ICMT: variants seen among roughly 807,000 people sequenced by gnomAD.
ICMT encodes isoprenylcysteine carboxyl methyltransferase, also known as protein-S-isoprenylcysteine O-methyltransferase.
In ICMT, 10 loss-of-function variants were observed where a neutral mutation model predicts 32.2. The observed-to-expected ratio is 0.31, with a 90% CI of 0.19 to 0.53. The LOEUF (loss-of-function observed/expected upper bound fraction) is 0.53, where lower values mean the gene tolerates loss of function less well. Among genes scored for constraint, ICMT ranks in the 20% least tolerant of loss-of-function variants. The probability of loss-of-function intolerance (pLI) is 0.96; values close to 1 mark genes in which losing one functional copy is unlikely to be tolerated. For missense variants in ICMT, 265 were observed against 356.9 expected, an observed-to-expected ratio of 0.74 and a Z score of 2.07; for synonymous variants, 183 against 158.2, an observed-to-expected ratio of 1.16 and a Z score of -1.18.
At position 6,222,172 on chromosome 1, in the gene ICMT, G is replaced by A. The variant is rs984651446; in HGVS notation, c.*2908C>T. ...GTGGTGGCTCACGCCTGTAATCCCA[G>A]CACTTTGGGAGGCCGAGGCGCGTGG... is the stretch of plus-strand genomic sequence containing the variant. On this transcript the variant is annotated 3_prime_UTR_variant, in exon 5 of 5. Transcript: ENST00000343813. 2 of 152,322 alleles carry A rather than the reference G, an allele frequency of 1.3e-5. No individual in the cohort carries two copies. Among genetic ancestry groups the A allele is most frequent in the African/African-American group, 4.8e-5 (2 of 41,462 alleles). 9.4% of individuals were successfully genotyped at this position (152,322 alleles called of 1,614,324 possible). A position where few individuals can be genotyped will look rare whatever the true frequency, so the allele number is the denominator to read the frequency against.
intron 2 of ICMT, among the ~76,000 whole-genome samples, 189 bp downstream of exon 2, chr1:6,234,697 A>G (rs1668789995): frequency 6.6e-6 from 1 of 152,186 alleles, no homozygotes. Context: ...TTCACAATCA[A>G]CCCACAGGCA....
chr1:6,223,890 G>T lies in ICMT; in HGVS notation c.*1190C>A, dbSNP rs1668600953. The T allele has an allele frequency of 6.6e-6, 1 of 152,256 alleles. No individual in the cohort carries two copies. Among genetic ancestry groups the T allele is most frequent in the South Asian group, 2.1e-4 (1 of 4,834 alleles). 9.4% of individuals were successfully genotyped at this position (152,256 alleles called of 1,614,324 possible). On this transcript the variant is annotated 3_prime_UTR_variant, in exon 5 of 5. Coordinates refer to ENST00000343813, the MANE Select transcript of ICMT (RefSeq NM_012405.4). ...TGAGGCCAAGTTCCTGTCTAGTCCA[G>T]AATGAAGCCAGCGTCTCACCTCTTA...
intron 3 of ICMT, among the ~76,000 whole-genome samples, chr1:6,232,461 C>T (rs1413435763): frequency 6.6e-6 from 1 of 152,200 alleles, no homozygotes; most frequent in East Asian, 1.9e-4. Flanking sequence ...AAAAAAGGGT[C>T]CAAGGTTTCC....
At chr1:6,234,487 G>A (rs766205293) in intron 2 of ICMT, 10 of 492,452 alleles carry the variant, frequency 2.0e-5, no homozygotes, top group Non-Finnish European at 3.6e-5. Context: ...TCCTACAGTG[G>A]CTGTGGGGAT....
At chr1:6,235,221 C>A (rs1360084282) in intron 1 of ICMT, among the ~76,000 whole-genome samples, 1 of 152,202 alleles carries the variant, frequency 6.6e-6, no homozygotes, top group Non-Finnish European at 1.5e-5. Flanking sequence ...ACAGTACCTA[C>A]CTTTTAGGAC....
At chr1:6,234,733 G>A (rs565651516) in intron 2 of ICMT, among the ~76,000 whole-genome samples, 153 bp downstream of exon 2, 1 of 152,016 alleles carries the variant, frequency 6.6e-6, no homozygotes, top group African/African-American at 2.4e-5. Flanking sequence ...TGAAATGTGA[G>A]CAACTAGGGG....
At chr1:6,235,600 A>G (rs1668810521) in intron 1 of ICMT, 117 bp downstream of exon 1, 1 of 653,490 alleles carries the variant, frequency 1.5e-6, no homozygotes, top group Non-Finnish European at 2.0e-6. Flanking sequence ...GAACTCGCGG[A>G]TGAAGAGCGC....
chr1:6,227,267 A>G (rs1668659002), intron 4 of ICMT, among the ~76,000 whole-genome samples: 1 of 152,256 alleles, frequency 6.6e-6, no homozygotes, highest in African/African-American at 2.4e-5. Flanking sequence ...GGCAAATTAC[A>G]TTATTCAGTC....
At position 6,235,907 on chromosome 1, in the gene ICMT, G is replaced by T. The variant is rs1270063541; in HGVS notation, c.5C>A (p.Ala2Glu). The change falls in exon 1 of 5, where the codon GCG becomes GAG. Residue 2 changes from alanine (A) to glutamate (E), a missense_variant. Physicochemically the swap from Ala to Glu is moderately radical, Grantham distance 107. Transcript: ENST00000343813. M[A>E]GCAARAPPGS... Reference sequence around the variant, plus strand: ...CGGCGGAGCCCGCGCCGCGCAGCCCGCCATGGCGCCGGGCGGCGGACTAGC... The same window carrying T: ...CGGCGGAGCCCGCGCCGCGCAGCCCTCCATGGCGCCGGGCGGCGGACTAGC... 65 of 1,114,480 alleles carry T rather than the reference G, an allele frequency of 5.8e-5. No homozygotes were observed. Among genetic ancestry groups the T allele is most frequent in the Non-Finnish European group, 6.8e-5 (62 of 915,310 alleles). The allele number at this position is 1,114,480 out of a possible 1,614,324, so 69.0% of individuals were successfully genotyped here.
chr1:6,232,889 G>A (rs1668759631), intron 3 of ICMT, among the ~76,000 whole-genome samples: 1 of 140,462 alleles, frequency 7.1e-6, no homozygotes. Flanking sequence ...TGGGAGTCTC[G>A]CTCTGTCACC....
Position 6,235,724 on chromosome 1 carries a change from C to T in ICMT, c.188G>A (p.Arg63His). Reference sequence around the variant, plus strand: ...GCCCCCGCCGGCCTGCACCTGGTAGCGAGGCGGCCGATAGAGCAGCAGCAG... The same window carrying T: ...GCCCCCGCCGGCCTGCACCTGGTAGTGAGGCGGCCGATAGAGCAGCAGCAG... The part of the protein sequence containing the change: ...ALLLLLYRPP[R>H]YQIAIRACFL... Residue 63 changes from arginine to histidine, a missense_variant, in exon 1 of 5, where the codon CGC (arginine) becomes CAC (histidine). Transcript: ENST00000343813. 2 of 1,285,730 alleles carry T rather than the reference C, an allele frequency of 1.6e-6. No individual in the cohort carries two copies. Among genetic ancestry groups the T allele is most frequent in the Non-Finnish European group, 9.9e-7 (1 of 1,007,488 alleles). The allele number at this position is 1,285,730 out of a possible 1,614,324, so 79.6% of individuals were successfully genotyped here.
intron 1 of ICMT, among the ~76,000 whole-genome samples, chr1:6,235,204 G>A (rs959716544): frequency 6.6e-6 from 1 of 152,212 alleles, no homozygotes; most frequent in African/African-American, 2.4e-5. Context: ...TCTACAGCCA[G>A]GGGATAACAG....
intron 4 of ICMT, among the ~76,000 whole-genome samples, chr1:6,229,655 A>C (rs1668699952): frequency 6.6e-6 from 1 of 152,038 alleles, no homozygotes; most frequent in Non-Finnish European, 1.5e-5. Flanking sequence ...TAGGAGACTA[A>C]GGTGGGAGGA....
In ICMT at chr1:6,225,199, C is replaced by T. The variant is rs141302565; in HGVS notation, c.736G>A (p.Asp246Asn). The T allele has an allele frequency of 4.3e-6, 7 of 1,614,076 alleles. No homozygotes were observed. The highest frequency in any genetic ancestry group is 5.1e-6 in the Non-Finnish European group (6 of 1,180,004). Residue 246 changes from aspartate to asparagine, a missense_variant, in exon 5 of 5, where the codon GAT (aspartate) becomes AAT (asparagine). Coordinates refer to ENST00000343813, the MANE Select transcript of ICMT (RefSeq NM_012405.4). ...GAGATTTCTTCTTCTTCTGTTCGAT[C>T]GCGGAAGAATCGCCACACTGTCAGG... ...YALTVWRFFR[D>N]RTEEEEISLI...
At chr1:6,225,552 G>A (rs1571222924) in intron 4 of ICMT, among the ~76,000 whole-genome samples, 1 of 152,150 alleles carries the variant, frequency 6.6e-6, no homozygotes, top group East Asian at 1.9e-4. Context: ...CCCACCTCCA[G>A]GTGTGAGCTC....
In ICMT at chr1:6,232,125, GGA is replaced by G. The variant is rs893591298; in HGVS notation, c.455-8_455-7del. On this transcript the variant is annotated splice_region_variant and splice_polypyrimidine_tract_variant and intron_variant, in intron 3 of 4. Coordinates refer to ENST00000343813, the MANE Select transcript of ICMT (RefSeq NM_012405.4). ...CCAGGTAATCTGCTTCAGTTCTGTG[GGA>G]GAGAGACATCAACGACACACGGGGA... 6 of 1,610,274 alleles carry G rather than the reference GGA, an allele frequency of 3.7e-6. No individual in the cohort carries two copies. Among genetic ancestry groups the G allele is most frequent in the Non-Finnish European group, 5.1e-6 (6 of 1,177,242 alleles).
rs1668673414 is a variant in ICMT, at chr1:6,228,123, G to A, written c.673-2861C>T. ...GAGACTAGCTTGGGCAACACAGCGA[G>A]ATCTCATCTTTAATACACAAATAAA... On this transcript the variant is annotated intron_variant, in intron 4 of 4. Transcript: ENST00000343813. Among the ~76,000 whole-genome samples, 3 of 152,186 alleles carry A rather than the reference G, an allele frequency of 2.0e-5. 1 individual carries two copies. In the South Asian group the frequency reaches 6.2e-4, roughly 32 times the overall value.
Position 6,225,090 on chromosome 1 carries a change from A to C in ICMT, c.845T>G (p.Val282Gly). Reference sequence around the variant, plus strand: ...CGGGGCCACTGCCCGTCACAGGTCCACCTTGACCCCCTTTATGAAAGGCAG... The same window carrying C: ...CGGGGCCACTGCCCGTCACAGGTCCCCCTTGACCCCCTTTATGAAAGGCAG... ...TGLPFIKGVK[V>G]DL The change falls in exon 5 of 5, where the codon GTG becomes GGG. Residue 282 changes from valine (V) to glycine (G), a missense_variant. By Grantham distance (109) the Val-to-Gly change is moderately radical. Around this residue, in one of 2 missense-constraint regions of ICMT, gnomAD observed 166 missense variants for 264.3 expected, o/e 0.63. Transcript: ENST00000343813. 6.2e-7 allele frequency: 1 copy of C among 1,613,246 alleles called. No individual in the cohort carries two copies. Among genetic ancestry groups the C allele is most frequent in the Non-Finnish European group, 8.5e-7 (1 of 1,179,454 alleles).
At chr1:6,233,429 G>C (rs754996354) in intron 3 of ICMT, 45 bp downstream of exon 3, 1 of 1,566,668 alleles carries the variant, frequency 6.4e-7, no homozygotes, top group Non-Finnish European at 8.7e-7. Flanking sequence ...GCCTGAATGG[G>C]AGCCACCCTT....
Sources: allele counts gnomAD v4.1 joint callset (sites outside exome capture counted in the v4.1 genomes callset), GRCh38; gene constraint gnomAD v4.1.1; regional missense constraint gnomAD v4.1.1; transcripts MANE v1.5; gene names NCBI Gene and HGNC (gene_info 2026-07-23, HGNC 2026-07-21).